The following PLCL1 variants were observed in gnomAD, a reference collection of about 807,000 sequenced individuals.
PLCL1 encodes the protein phospholipase C like 1 (inactive).
A neutral mutation model predicts 84.4 loss-of-function variants in PLCL1; 41 were observed. The observed-to-expected ratio is 0.49, with a 90% CI of 0.38 to 0.63. The LOEUF (loss-of-function observed/expected upper bound fraction) is 0.63, where lower values mean the gene tolerates loss of function less well. Ranked by LOEUF, PLCL1 falls within the 30% of genes least tolerant of loss-of-function variation. PLCL1 has a pLI of 0.00. For missense variants in PLCL1, 1,206 were observed against 1,367.8 expected (o/e 0.88, Z 1.87); for synonymous variants, 490 against 488.3 (o/e 1.00, Z -0.05).
intron 5 of PLCL1, among the ~76,000 whole-genome samples, chr2:198,121,127 CTT>C (rs1693857250): frequency 1.3e-5 from 2 of 152,152 alleles, no homozygotes; most frequent in South Asian, 4.1e-4. Context: ...TGAGAAATGT[CTT>C]TTCAGATCTT....
intron 1 of PLCL1, among the ~76,000 whole-genome samples, chr2:198,022,283 T>C (rs1691154054): frequency 1.3e-5 from 2 of 151,826 alleles, no homozygotes; most frequent in African/African-American, 2.4e-5. Context: ...TCATACTGAA[T>C]GGGCAATATC....
chr2:198,067,708 T>C (rs1487702618), intron 1 of PLCL1, among the ~76,000 whole-genome samples: 1 of 152,236 alleles, frequency 6.6e-6, no homozygotes, highest in Non-Finnish European at 1.5e-5. Flanking sequence ...CACTGATTTA[T>C]GTTTTTGGCA....
intron 1 of PLCL1, among the ~76,000 whole-genome samples, chr2:197,870,212 A>T (rs958639617): frequency 2.6e-5 from 4 of 152,268 alleles, no homozygotes; most frequent in East Asian, 1.9e-4. Context: ...GTAAATGCTA[A>T]GGGGAGCTTT....
At chr2:198,132,980 T>G (rs1439861341) in intron 5 of PLCL1, among the ~76,000 whole-genome samples, 1 of 151,610 alleles carries the variant, frequency 6.6e-6, no homozygotes, top group Non-Finnish European at 1.5e-5. Context: ...TTTAAATCTT[T>G]AATCCATCTT....
intron 1 of PLCL1, among the ~76,000 whole-genome samples, chr2:197,844,075 A>G (rs973687170): frequency 2.0e-5 from 3 of 152,182 alleles, no homozygotes; most frequent in Non-Finnish European, 4.4e-5. Context: ...ACTTTTCATT[A>G]GGAAGAAGCT....
chr2:198,094,947 T>C (rs1293311929), intron 3 of PLCL1, among the ~76,000 whole-genome samples: 2 of 152,106 alleles, frequency 1.3e-5, no homozygotes, highest in Non-Finnish European at 2.9e-5. Context: ...AGGTGGGAAG[T>C]GTACAGCTTC....
chr2:198,048,499 C>CATGGCA (rs1468991080), intron 1 of PLCL1, among the ~76,000 whole-genome samples: 1 of 152,186 alleles, frequency 6.6e-6, no homozygotes, highest in Admixed American at 6.5e-5. Flanking sequence ...TACAAAGAAG[C>CATGGCA]ATGGCACCAG....
At chr2:198,066,406 A>C (rs1188809038) in intron 1 of PLCL1, among the ~76,000 whole-genome samples, 2 of 152,166 alleles carry the variant, frequency 1.3e-5, no homozygotes, top group Non-Finnish European at 2.9e-5. Flanking sequence ...CCCAAACCAG[A>C]GATCTGGGGA....
chr2:198,100,538 C>T (rs767283895), intron 3 of PLCL1, among the ~76,000 whole-genome samples: 15 of 152,076 alleles, frequency 9.9e-5, no homozygotes, highest in Non-Finnish European at 1.9e-4. Context: ...AAGCGTGATT[C>T]ATCCATGTCA....
chr2:197,852,949 T>C (rs1175800373), intron 1 of PLCL1, among the ~76,000 whole-genome samples: 1 of 152,204 alleles, frequency 6.6e-6, no homozygotes, highest in Non-Finnish European at 1.5e-5. Flanking sequence ...TCTGCAACCA[T>C]TACCATCCAT....
At chr2:198,063,361 C>T (rs754956962) in intron 1 of PLCL1, among the ~76,000 whole-genome samples, 10 of 151,952 alleles carry the variant, frequency 6.6e-5, no homozygotes, top group Non-Finnish European at 1.5e-4. Context: ...GAGTGGTCTG[C>T]ACAGTAATAA....
At chr2:197,982,156 GTC>G (rs963006532) in intron 1 of PLCL1, among the ~76,000 whole-genome samples, 82 of 151,020 alleles carry the variant, frequency 5.4e-4, no homozygotes, top group African/African-American at 2.0e-3. Flanking sequence ...ATTTATTTTT[GTC>G]TGAGTTTTTA....
At chr2:197,890,387 A>G (rs116404342) in intron 1 of PLCL1, among the ~76,000 whole-genome samples, 8 of 152,268 alleles carry the variant, frequency 5.3e-5, no homozygotes, top group Non-Finnish European at 1.2e-4. Flanking sequence ...CTTAGCAGCA[A>G]CACCAACCTT....
intron 1 of PLCL1, among the ~76,000 whole-genome samples, chr2:198,082,004 G>A (rs1201616327): frequency 1.3e-5 from 2 of 152,162 alleles, no homozygotes; most frequent in Non-Finnish European, 2.9e-5. Context: ...TGTCTGAAAT[G>A]TTCGGAAGTC....
intron 1 of PLCL1, among the ~76,000 whole-genome samples, chr2:198,063,910 G>A (rs746051476): frequency 4.6e-5 from 7 of 152,186 alleles, no homozygotes; most frequent in Non-Finnish European, 8.8e-5. Context: ...TGGAGTACTG[G>A]TTAAGAGCAA....
intron 3 of PLCL1, among the ~76,000 whole-genome samples, chr2:198,093,161 G>C (rs1396640849): frequency 6.6e-6 from 1 of 152,172 alleles, no homozygotes; most frequent in African/African-American, 2.4e-5. Flanking sequence ...AACTGGTGGA[G>C]CACAAAGGAT....
intron 1 of PLCL1, among the ~76,000 whole-genome samples, chr2:197,835,245 T>C (rs1574904433): frequency 6.6e-6 from 1 of 152,236 alleles, no homozygotes; most frequent in East Asian, 1.9e-4. Context: ...TGTGTAACTA[T>C]GTAACAAACT....
intron 1 of PLCL1, among the ~76,000 whole-genome samples, chr2:198,053,752 A>C: frequency 6.6e-6 from 1 of 152,230 alleles, no homozygotes; most frequent in East Asian, 1.9e-4. Flanking sequence ...GGAGAAAGAG[A>C]GCAGTAACCT....
intron 1 of PLCL1, among the ~76,000 whole-genome samples, chr2:197,922,751 G>A (rs1688732540): frequency 8.2e-6 from 1 of 122,336 alleles, no homozygotes; most frequent in African/African-American, 2.9e-5. Flanking sequence ...TCACCTCCCG[G>A]ACGGGGTGGC....
Sources: gnomAD v4.1 joint callset for allele counts (sites outside exome capture counted in the v4.1 genomes callset) on GRCh38, gnomAD v4.1.1 for gene constraint, MANE v1.5 for transcripts, NCBI Gene and HGNC (gene_info 2026-07-23, HGNC 2026-07-21) for gene names.